The following CACNB4 variants were observed in gnomAD, a reference collection of about 807,000 sequenced individuals.
CACNB4 encodes the protein calcium voltage-gated channel auxiliary subunit beta 4.
A neutral mutation model predicts 71.2 loss-of-function variants in CACNB4; 32 were observed. The observed-to-expected ratio is 0.45, with a 90% CI of 0.34 to 0.60. The LOEUF is 0.60. Ranked by LOEUF, CACNB4 falls within the 20% of genes least tolerant of loss-of-function variation. The pLI, the probability that CACNB4 is intolerant of heterozygous loss-of-function variation, is 0.01. For missense variants in CACNB4, 464 were observed against 647.9 expected (o/e 0.72, Z 3.08); for synonymous variants, 231 against 236.9 (o/e 0.97, Z 0.23).
At chr2:152,065,647 A>G (rs1177037922) in intron 2 of CACNB4, among the ~76,000 whole-genome samples, 1 of 152,250 alleles carries the variant, frequency 6.6e-6, no homozygotes, top group Non-Finnish European at 1.5e-5. Flanking sequence ...AACAGCAAGC[A>G]GAAATTTACT....
At chr2:151,983,310 TGAA>T (rs1321925365) in intron 2 of CACNB4, among the ~76,000 whole-genome samples, 1 of 152,220 alleles carries the variant, frequency 6.6e-6, no homozygotes, top group African/African-American at 2.4e-5. Context: ...TAATTCCTCA[TGAA>T]GATTTGGATT....
At chr2:151,859,831 G>A (rs2099841190) in intron 10 of CACNB4, 1 of 152,144 alleles carries the variant, frequency 6.6e-6, no homozygotes, top group African/African-American at 2.4e-5. Context: ...ACGATCTTTG[G>A]CTCAAGGTCA....
chr2:152,053,808 A>T (rs981335341), intron 2 of CACNB4, among the ~76,000 whole-genome samples: 3 of 152,072 alleles, frequency 2.0e-5, no homozygotes, highest in African/African-American at 7.2e-5. Context: ...TACAGGCATG[A>T]GCCATCACAC....
intron 2 of CACNB4, among the ~76,000 whole-genome samples, chr2:152,096,764 T>C (rs1348937322): frequency 2.0e-5 from 3 of 152,148 alleles, no homozygotes; most frequent in Non-Finnish European, 2.9e-5. Context: ...CGGGCATAAA[T>C]TGAGAAAAGA....
intron 2 of CACNB4, among the ~76,000 whole-genome samples, chr2:152,079,136 T>A (rs1486771745): frequency 6.6e-6 from 1 of 152,102 alleles, no homozygotes; most frequent in East Asian, 1.9e-4. Context: ...TCGCCCAGGC[T>A]GGAGTGCAGT....
intron 2 of CACNB4, among the ~76,000 whole-genome samples, chr2:152,056,088 C>T (rs1002076950): frequency 1.3e-5 from 2 of 152,112 alleles, no homozygotes; most frequent in Non-Finnish European, 2.9e-5. Context: ...TTCGGCTGGG[C>T]ACGGTGGCTC....
At chr2:152,093,757 G>A (rs895211592) in intron 2 of CACNB4, among the ~76,000 whole-genome samples, 3 of 152,130 alleles carry the variant, frequency 2.0e-5, no homozygotes, top group Non-Finnish European at 4.4e-5. Context: ...CATGTGTGAG[G>A]CCACTCTGGA....
chr2:151,905,624 T>C (rs1459668108), intron 2 of CACNB4, among the ~76,000 whole-genome samples: 2 of 152,186 alleles, frequency 1.3e-5, no homozygotes, highest in Admixed American at 1.3e-4. Context: ...CTTTCAAGTA[T>C]CAGTTGCTTT....
At chr2:152,065,795 C>T (rs375681192) in intron 2 of CACNB4, among the ~76,000 whole-genome samples, 3 of 152,256 alleles carry the variant, frequency 2.0e-5, no homozygotes, top group East Asian at 3.9e-4. Context: ...GTTGCTCAGG[C>T]TGGAATGCAC....
chr2:151,982,087 C>T (rs2099874818), intron 2 of CACNB4, among the ~76,000 whole-genome samples: 1 of 152,142 alleles, frequency 6.6e-6, no homozygotes, highest in African/African-American at 2.4e-5. Context: ...TTTGGGTGCA[C>T]ACTGCTGAAC....
intron 12 of CACNB4, among the ~76,000 whole-genome samples, chr2:151,848,809 T>C (rs2099838276): frequency 6.6e-6 from 1 of 152,212 alleles, no homozygotes; most frequent in Non-Finnish European, 1.5e-5. Flanking sequence ...CATTTATATG[T>C]TCAATTGTCT....
intron 2 of CACNB4, among the ~76,000 whole-genome samples, chr2:152,064,891 T>G (rs994178450): frequency 2.6e-5 from 4 of 152,084 alleles, no homozygotes; most frequent in African/African-American, 9.7e-5. Context: ...CCACCTGTCA[T>G]AGAGAGAAAC....
rs2099835022 is a variant in CACNB4, at chr2:151,836,944, A to G, written c.*2175T>C. On this transcript the variant is annotated 3_prime_UTR_variant, in exon 14 of 14. Coordinates refer to ENST00000539935, the MANE Select transcript of CACNB4 (RefSeq NM_000726.5). The stretch of plus-strand genomic sequence containing the variant: ...TGCACTCTTTGCAATTAAATACTTT[A>G]ATGCGCATAAACAAGAAACCAGTAA... 6.6e-6 allele frequency: 1 copy of G among 151,992 alleles called. No individual in the cohort carries two copies. Among genetic ancestry groups the G allele is most frequent in the Non-Finnish European group, 1.5e-5 (1 of 67,840 alleles). The allele number at this position is 151,992 out of a possible 1,614,324, so 9.4% of individuals were successfully genotyped here.
Position 152,098,223 on chromosome 2 carries a change from G to A in CACNB4, c.147+107C>T. 1.2e-6 allele frequency: 1 copy of A among 801,152 alleles called. No homozygotes were observed. The highest frequency in any genetic ancestry group is 2.5e-5 in the East Asian group (1 of 40,002). The allele number at this position is 801,152 out of a possible 1,614,324, so 49.6% of individuals were successfully genotyped here. A position where few individuals can be genotyped will look rare whatever the true frequency, so the allele number is the denominator to read the frequency against. ...GCCGAGGCCGGGAAGAGACGCGCGC[G>A]GGCTTGACCCGCAGCTCCCGCACGT... On this transcript the variant is annotated intron_variant, in intron 2 of 13. Transcript: ENST00000539935. This position sits in a 1 kb window ranked among gnomAD's most constrained non-coding sequence, Gnocchi z 5.3.
intron 2 of CACNB4, among the ~76,000 whole-genome samples, chr2:152,066,275 C>T (rs115894867): frequency 0.016 from 2,423 of 152,274 alleles, 68 homozygotes; most frequent in African/African-American, 0.055. Flanking sequence ...AGCAGCTCCA[C>T]ACTCATGCAT....
intron 2 of CACNB4, chr2:151,973,747 G>A (rs1458769140): frequency 3.7e-6 from 6 of 1,607,838 alleles, no homozygotes; most frequent in Admixed American, 1.7e-5. Context: ...CTCTTTCAAG[G>A]CAAAAACAAA....
chr2:152,081,230 G>T (rs1248898614), intron 2 of CACNB4, among the ~76,000 whole-genome samples: 4 of 152,310 alleles, frequency 2.6e-5, no homozygotes, highest in East Asian at 1.9e-4. Flanking sequence ...AAGGAAAATA[G>T]TCAAGTGCAC....
intron 2 of CACNB4, among the ~76,000 whole-genome samples, chr2:151,977,099 T>C (rs1456385478): frequency 2.6e-5 from 4 of 152,212 alleles, no homozygotes; most frequent in African/African-American, 9.7e-5. Flanking sequence ...GGGCTCATCT[T>C]GTGCTGGTGC....
intron 2 of CACNB4, among the ~76,000 whole-genome samples, chr2:151,921,835 T>C (rs1268403206): frequency 6.6e-6 from 1 of 152,162 alleles, no homozygotes; most frequent in Non-Finnish European, 1.5e-5. Flanking sequence ...CTTTTCTCTC[T>C]CTCTCCTGCT....
Sources: gnomAD v4.1 joint callset for allele counts (sites outside exome capture counted in the v4.1 genomes callset) on GRCh38, gnomAD v4.1.1 for gene constraint, Gnocchi (gnomAD v3.1) non-coding constraint, MANE v1.5 for transcripts, NCBI Gene and HGNC (gene_info 2026-07-23, HGNC 2026-07-21) for gene names.